GRM7: variants seen among roughly 807,000 people sequenced by gnomAD.
GRM7 encodes glutamate metabotropic receptor 7.
A neutral mutation model predicts 84.5 loss-of-function variants in GRM7; 35 were observed. The observed-to-expected ratio is 0.41, with a 90% CI of 0.32 to 0.55. The LOEUF is 0.55. GRM7 is among the 20% of genes least tolerant of loss of function. The pLI is 0.19. For missense variants in GRM7, 1,003 were observed against 1,194.6 expected (o/e 0.84, Z 2.36); for synonymous variants, 487 against 455.1 (o/e 1.07, Z -0.89).
At chr3:7,133,813 G>C (rs116006219) in intron 1 of GRM7, among the ~76,000 whole-genome samples, 1 of 152,118 alleles carries the variant, frequency 6.6e-6, no homozygotes, top group Non-Finnish European at 1.5e-5. Flanking sequence ...GGAAGGAGGC[G>C]GAGAGGTCAT....
chr3:6,909,412 C>T (rs1313538081), intron 1 of GRM7, among the ~76,000 whole-genome samples: 3 of 152,114 alleles, frequency 2.0e-5, no homozygotes, highest in Non-Finnish European at 4.4e-5. Context: ...GTGTCAATTA[C>T]TAATTGGAGT....
chr3:6,991,041 C>G (rs779704706), intron 1 of GRM7, among the ~76,000 whole-genome samples: 2 of 152,032 alleles, frequency 1.3e-5, no homozygotes, highest in Non-Finnish European at 2.9e-5. Context: ...TGCACTCCAG[C>G]CTGGGTGACA....
intron 9 of GRM7, among the ~76,000 whole-genome samples, chr3:7,711,346 C>A (rs1485924690): frequency 2.0e-5 from 3 of 152,122 alleles, no homozygotes; most frequent in Admixed American, 1.3e-4. Flanking sequence ...TCACGTACAG[C>A]AAGTTCAAAG....
intron 9 of GRM7, among the ~76,000 whole-genome samples, chr3:7,704,517 AT>A (rs1358206374): frequency 6.6e-6 from 1 of 152,212 alleles, no homozygotes; most frequent in Non-Finnish European, 1.5e-5. Flanking sequence ...ATTGAAAAAA[AT>A]GTAATATTAA....
chr3:6,883,970 A>C (rs899074609), intron 1 of GRM7, among the ~76,000 whole-genome samples: 3 of 152,238 alleles, frequency 2.0e-5, no homozygotes, highest in Non-Finnish European at 4.4e-5. Context: ...AACTCCCCCT[A>C]TAGCCATTAA....
intron 4 of GRM7, among the ~76,000 whole-genome samples, chr3:7,330,284 G>GA (rs1286057205): frequency 6.6e-6 from 1 of 152,012 alleles, no homozygotes; most frequent in Non-Finnish European, 1.5e-5. Flanking sequence ...ATGGTATAAG[G>GA]AAAAGTCTGT....
chr3:7,549,616 GA>G (rs1693343616), intron 7 of GRM7, among the ~76,000 whole-genome samples: 1 of 152,060 alleles, frequency 6.6e-6, no homozygotes, highest in Non-Finnish European at 1.5e-5. Flanking sequence ...CACATGGGAA[GA>G]AAAAACTTCT....
In GRM7 at chr3:6,863,464, C is replaced by T. The variant is rs1308924182; in HGVS notation, c.519+1557C>T. 6.6e-6 allele frequency among the ~76,000 whole-genome samples: 1 copy of T among 152,108 alleles called. No individual in the cohort carries two copies. Among genetic ancestry groups the T allele is most frequent in the Non-Finnish European group, 1.5e-5 (1 of 68,018 alleles). ...GTTTGCATTCAGGAAAGAGGAGTGCCCATCCAAGGCTGCAGCTTGCATGGC... is the reference window on the plus strand; with the variant it reads ...GTTTGCATTCAGGAAAGAGGAGTGCTCATCCAAGGCTGCAGCTTGCATGGC... On this transcript the variant is annotated intron_variant, in intron 1 of 9. Coordinates refer to ENST00000357716, the MANE Select transcript of GRM7 (RefSeq NM_000844.4). This position sits in a 1 kb window ranked among gnomAD's most constrained non-coding sequence, Gnocchi z 4.8.
chr3:7,709,818 C>G (rs1319599127), intron 9 of GRM7, among the ~76,000 whole-genome samples: 1 of 152,144 alleles, frequency 6.6e-6, no homozygotes, highest in Non-Finnish European at 1.5e-5. Flanking sequence ...CTCCTTATCT[C>G]CATTACAGGA....
chr3:7,173,826 T>C (rs1046638888), intron 2 of GRM7, among the ~76,000 whole-genome samples: 3 of 152,232 alleles, frequency 2.0e-5, no homozygotes, highest in Non-Finnish European at 4.4e-5. Context: ...TCCTCTTTAA[T>C]AGCTTATTTT....
intron 2 of GRM7, among the ~76,000 whole-genome samples, chr3:7,181,722 T>C (rs1233674134): frequency 1.3e-5 from 2 of 152,070 alleles, no homozygotes; most frequent in Non-Finnish European, 2.9e-5. Context: ...CATCCTCTTG[T>C]CTCAGCCTCC....
chr3:6,930,121 A>C (rs1575028099), intron 1 of GRM7, among the ~76,000 whole-genome samples: 1 of 152,226 alleles, frequency 6.6e-6, no homozygotes, highest in East Asian at 1.9e-4. Context: ...GACTTAGTTC[A>C]GTAAATTGAA....
At position 6,955,756 on chromosome 3, in the gene GRM7, C is replaced by T. The variant is rs372419910; in HGVS notation, c.519+93849C>T. Among the ~76,000 whole-genome samples the T allele has an allele frequency of 2.2e-4, 33 of 150,830 alleles. 1 individual carries two copies. The highest frequency in any genetic ancestry group is 1.9e-4 in the Non-Finnish European group (13 of 67,862). On this transcript the variant is annotated intron_variant, in intron 1 of 9. Transcript: ENST00000357716. ...ACTTGGGAGGCTGAGGCACGAGAAT[C>T]ACATGAACCCTTAAGGCAGAGATTG...
At chr3:6,925,522 A>T (rs1366881109) in intron 1 of GRM7, among the ~76,000 whole-genome samples, 1 of 152,154 alleles carries the variant, frequency 6.6e-6, no homozygotes, top group African/African-American at 2.4e-5. Context: ...TAAGAAGGTT[A>T]TGTTGTCATA....
chr3:7,737,972 C>T (rs1200652234), intron 9 of GRM7, among the ~76,000 whole-genome samples: 5 of 151,840 alleles, frequency 3.3e-5, no homozygotes, highest in African/African-American at 9.7e-5. Flanking sequence ...CTCAGCCTCC[C>T]GAGTAGCTGG....
intron 2 of GRM7, among the ~76,000 whole-genome samples, chr3:7,160,610 C>T (rs1304973699): frequency 1.3e-5 from 2 of 152,154 alleles, no homozygotes; most frequent in Non-Finnish European, 2.9e-5. Context: ...CCCTTGCCTT[C>T]ACCTTGCTTA....
At chr3:7,422,703 C>T (rs1420020400) in intron 5 of GRM7, among the ~76,000 whole-genome samples, 2 of 152,138 alleles carry the variant, frequency 1.3e-5, no homozygotes, top group Non-Finnish European at 2.9e-5. Context: ...CCATATAACA[C>T]TGGCTTTTAG....
chr3:7,599,262 T>C lies in GRM7; in HGVS notation c.2451+19905T>C, dbSNP rs1297586332. Among the ~76,000 whole-genome samples, 4 of 152,300 alleles carry C rather than the reference T, an allele frequency of 2.6e-5. No homozygotes were observed. The South Asian group carries it at 6.2e-4, about 24-fold the overall frequency. On this transcript the variant is annotated intron_variant, in intron 8 of 9. Coordinates refer to ENST00000357716, the MANE Select transcript of GRM7 (RefSeq NM_000844.4). ...TCTTGATTTTTTATTGTAAAATTAA[T>C]GTTTGCCATACAAAATTCAACACTG...
chr3:7,474,990 G>A (rs1031817810), intron 7 of GRM7, among the ~76,000 whole-genome samples: 2 of 152,168 alleles, frequency 1.3e-5, no homozygotes, highest in African/African-American at 4.8e-5. Context: ...TTTAAACACA[G>A]CTTTCTGGCC....
Sources: allele counts gnomAD v4.1 joint callset (sites outside exome capture counted in the v4.1 genomes callset), GRCh38; gene constraint gnomAD v4.1.1; non-coding constraint Gnocchi (gnomAD v3.1); transcripts MANE v1.5; gene names NCBI Gene and HGNC (gene_info 2026-07-23, HGNC 2026-07-21).